The following GUCY1A2 variants were observed in gnomAD, a reference collection of about 807,000 sequenced individuals.
GUCY1A2 encodes the protein guanylate cyclase soluble subunit alpha-2.
In GUCY1A2, 27 loss-of-function variants were observed where a neutral mutation model predicts 63.5. The ratio of observed to expected loss-of-function variants is 0.43; its 90% CI spans 0.31 to 0.59. The LOEUF (loss-of-function observed/expected upper bound fraction) is 0.59, where lower values mean the gene tolerates loss of function less well. GUCY1A2 is among the 20% of genes least tolerant of loss of function. The pLI, the probability that GUCY1A2 is intolerant of heterozygous loss-of-function variation, is 0.11. For missense variants in GUCY1A2, 768 were observed against 913.3 expected (o/e 0.84, Z 2.05); for synonymous variants, 364 against 343.5 (o/e 1.06, Z -0.66).
intron 6 of GUCY1A2, among the ~76,000 whole-genome samples, chr11:106,774,985 G>T (rs1864330190): frequency 6.6e-6 from 1 of 152,078 alleles, no homozygotes. Flanking sequence ...TTCTGTGTCT[G>T]ATAAGTTTGA....
At chr11:106,955,419 G>A (rs1228340288) in intron 3 of GUCY1A2, among the ~76,000 whole-genome samples, 1 of 152,166 alleles carries the variant, frequency 6.6e-6, no homozygotes, top group East Asian at 1.9e-4. Context: ...ATATTTTGCT[G>A]TGTTTTTGCA....
intron 4 of GUCY1A2, among the ~76,000 whole-genome samples, chr11:106,916,717 T>C (rs1860374561): frequency 6.9e-6 from 1 of 145,666 alleles, no homozygotes; most frequent in African/African-American, 2.4e-5. Context: ...TGTTTTTATC[T>C]ACTGCTAAGT....
intron 1 of GUCY1A2, among the ~76,000 whole-genome samples, chr11:106,999,016 C>T (rs757397587): frequency 6.6e-6 from 1 of 152,116 alleles, no homozygotes; most frequent in Non-Finnish European, 1.5e-5. Context: ...GTGGCAGAGT[C>T]TTGTGGGGCC....
intron 6 of GUCY1A2, among the ~76,000 whole-genome samples, chr11:106,765,693 C>T (rs948120540): frequency 2.0e-5 from 3 of 152,100 alleles, no homozygotes; most frequent in Admixed American, 1.3e-4. Context: ...TTTCTAACAA[C>T]CTCCTGATTA....
intron 4 of GUCY1A2, among the ~76,000 whole-genome samples, chr11:106,927,182 G>A (rs1219972032): frequency 6.6e-6 from 1 of 151,706 alleles, no homozygotes; most frequent in Non-Finnish European, 1.5e-5. Context: ...GACCATCCTG[G>A]TGAACACGGT....
chr11:106,769,775 A>G (rs1164074865), intron 6 of GUCY1A2, among the ~76,000 whole-genome samples: 1 of 152,130 alleles, frequency 6.6e-6, no homozygotes, highest in Non-Finnish European at 1.5e-5. Context: ...AATGTGAGAA[A>G]TGAGGATAAC....
chr11:106,780,480 T>C (rs1268076740), intron 5 of GUCY1A2, among the ~76,000 whole-genome samples: 1 of 152,164 alleles, frequency 6.6e-6, no homozygotes, highest in Non-Finnish European at 1.5e-5. Flanking sequence ...GGAGAAACTG[T>C]GCCACATCTC....
At chr11:106,885,622 G>C (rs1859887653) in intron 4 of GUCY1A2, among the ~76,000 whole-genome samples, 1 of 152,094 alleles carries the variant, frequency 6.6e-6, no homozygotes, top group Non-Finnish European at 1.5e-5. Flanking sequence ...ACCAGTCCTA[G>C]TTTCAATATC....
At chr11:106,877,377 C>T (rs1052276017) in intron 4 of GUCY1A2, among the ~76,000 whole-genome samples, 3 of 152,022 alleles carry the variant, frequency 2.0e-5, no homozygotes, top group African/African-American at 7.2e-5. Context: ...AGGCATAATG[C>T]TACCTGACTT....
intron 6 of GUCY1A2, among the ~76,000 whole-genome samples, chr11:106,773,225 T>G (rs1391127910): frequency 1.3e-5 from 2 of 152,166 alleles, no homozygotes; most frequent in African/African-American, 4.8e-5. Flanking sequence ...TGCAAGTATT[T>G]CTAAATAGAA....
At chr11:106,853,439 G>T (rs1040944439) in intron 4 of GUCY1A2, among the ~76,000 whole-genome samples, 3 of 151,784 alleles carry the variant, frequency 2.0e-5, no homozygotes, top group African/African-American at 7.3e-5. Flanking sequence ...CTAGTCTACT[G>T]TTGAAGATAT....
chr11:106,825,136 A>T (rs1858950777), intron 4 of GUCY1A2, among the ~76,000 whole-genome samples: 1 of 152,224 alleles, frequency 6.6e-6, no homozygotes, highest in South Asian at 2.1e-4. Flanking sequence ...ATTAGAGATC[A>T]CGATTATATA....
intron 3 of GUCY1A2, among the ~76,000 whole-genome samples, chr11:106,961,161 C>T (rs55900807): frequency 0.018 from 2,801 of 152,038 alleles, 81 homozygotes; most frequent in African/African-American, 0.064. Flanking sequence ...CAACTTGTGT[C>T]CTGCCACTCA....
chr11:106,935,390 C>T (rs181827482), intron 4 of GUCY1A2, among the ~76,000 whole-genome samples: 123 of 152,258 alleles, frequency 8.1e-4, no homozygotes, highest in African/African-American at 2.8e-3. Context: ...GTCATTTAAT[C>T]CTCCCAAATA....
intron 4 of GUCY1A2, among the ~76,000 whole-genome samples, chr11:106,893,152 C>T (rs921132912): frequency 2.0e-5 from 3 of 152,118 alleles, no homozygotes; most frequent in Non-Finnish European, 2.9e-5. Flanking sequence ...CAAATCAAAA[C>T]GAGAAAAATA....
intron 4 of GUCY1A2, among the ~76,000 whole-genome samples, chr11:106,832,820 A>G (rs1859069242): frequency 6.6e-6 from 1 of 152,144 alleles, no homozygotes; most frequent in South Asian, 2.1e-4. Context: ...CATAAACATT[A>G]TATATTTGTT....
intron 6 of GUCY1A2, among the ~76,000 whole-genome samples, chr11:106,726,997 G>A (rs893073617): frequency 5.3e-5 from 8 of 152,138 alleles, no homozygotes; most frequent in Admixed American, 2.6e-4. Flanking sequence ...ATTCGTAATC[G>A]GGGTAAAACC....
At chr11:106,990,583 C>CTGTG (rs1397174944) in intron 1 of GUCY1A2, among the ~76,000 whole-genome samples, 3 of 152,068 alleles carry the variant, frequency 2.0e-5, no homozygotes, top group African/African-American at 7.3e-5. Flanking sequence ...GTCTCTCTCT[C>CTGTG]TCTGTGTGTG....
chr11:106,715,432 G>A (rs1863197401), intron 6 of GUCY1A2, among the ~76,000 whole-genome samples: 1 of 152,150 alleles, frequency 6.6e-6, no homozygotes, highest in South Asian at 2.1e-4. Flanking sequence ...ACTTGGCTCC[G>A]AGTTCAGCGC....
Sources: allele counts gnomAD v4.1 joint callset (sites outside exome capture counted in the v4.1 genomes callset), GRCh38; gene constraint gnomAD v4.1.1; transcripts MANE v1.5; gene names NCBI Gene and HGNC (gene_info 2026-07-23, HGNC 2026-07-21).